FGF7: variants seen among roughly 807,000 people sequenced by gnomAD.
FGF7 encodes FGF-7.
FGF7 carries 6 observed loss-of-function variants against 20.5 expected under a neutral mutation model. The observed-to-expected ratio is 0.29, with a 90% confidence interval of 0.16 to 0.58. FGF7 has a LOEUF of 0.58. Ranked by LOEUF, FGF7 falls within the 20% of genes least tolerant of loss-of-function variation. FGF7 has a pLI of 0.90. For missense variants in FGF7, 144 were observed against 228.8 expected, an observed-to-expected ratio of 0.63 and a Z score of 2.39; for synonymous variants, 64 against 74.7, an observed-to-expected ratio of 0.86 and a Z score of 0.74.
At chr15:49,454,173 A>C (rs1350514546) in intron 2 of FGF7, among the ~76,000 whole-genome samples, 2 of 152,154 alleles carry the variant, frequency 1.3e-5, no homozygotes, top group African/African-American at 4.8e-5. Context: ...TGATTTATTG[A>C]AGGTTATATA....
At chr15:49,472,014 A>G (rs1173280849) in intron 2 of FGF7, among the ~76,000 whole-genome samples, 1 of 23,068 alleles carries the variant, frequency 4.3e-5, no homozygotes, top group Non-Finnish European at 9.0e-5. Context: ...TCATGACTTT[A>G]GAAGTGAAAA....
intron 2 of FGF7, among the ~76,000 whole-genome samples, chr15:49,440,187 A>G (rs1210795503): frequency 1.3e-5 from 2 of 151,748 alleles, no homozygotes; most frequent in African/African-American, 2.4e-5. Flanking sequence ...TTTTAGTTAA[A>G]CCCACTGTGT....
intron 2 of FGF7, among the ~76,000 whole-genome samples, chr15:49,475,145 T>C (rs1229352880): frequency 1.3e-5 from 2 of 152,180 alleles, no homozygotes; most frequent in East Asian, 3.9e-4. Context: ...TGCACTCCGG[T>C]AGTGTATGAT....
chr15:49,462,702 T>C (rs1276576344), intron 2 of FGF7, among the ~76,000 whole-genome samples: 1 of 152,194 alleles, frequency 6.6e-6, no homozygotes, highest in Non-Finnish European at 1.5e-5. Context: ...CTTTCTCTCA[T>C]TCAATTTATT....
intron 2 of FGF7, among the ~76,000 whole-genome samples, chr15:49,451,473 A>C (rs930763068): frequency 1.3e-5 from 2 of 152,078 alleles, no homozygotes; most frequent in African/African-American, 4.8e-5. Flanking sequence ...GCTTAAATCT[A>C]TATGTATATA....
chr15:49,460,103 G>T (rs555035398), intron 2 of FGF7, among the ~76,000 whole-genome samples: 2 of 152,162 alleles, frequency 1.3e-5, no homozygotes, highest in East Asian at 3.9e-4. Context: ...GACAACCTGT[G>T]CAAGGAATGT....
intron 2 of FGF7, among the ~76,000 whole-genome samples, chr15:49,453,813 A>G (rs76986337): frequency 0.023 from 3,546 of 152,170 alleles, 88 homozygotes; most frequent in South Asian, 0.13. Flanking sequence ...CACGTTCCCA[A>G]TTGAATTCAG....
Position 49,486,072 on chromosome 15 carries a change from T to C in FGF7, c.*1568T>C, listed in dbSNP as rs1169648029. ...ATTGGCAGATCTTGGTAGCACTTTA[T>C]ATGTTCACCAATGGGAGGTCAATAT... is the stretch of plus-strand genomic sequence containing the variant. On this transcript the variant is annotated 3_prime_UTR_variant, in exon 4 of 4. Transcript: ENST00000267843. 6.6e-6 allele frequency: 1 copy of C among 152,020 alleles called. No individual in the cohort carries two copies. The highest frequency in any genetic ancestry group is 6.6e-5 in the Admixed American group (1 of 15,238). 9.4% of individuals were successfully genotyped at this position (152,020 alleles called of 1,614,324 possible). A position where few individuals can be genotyped will look rare whatever the true frequency, so the allele number is the denominator to read the frequency against.
Position 49,430,575 on chromosome 15 carries a change from C to T in FGF7, c.286+5992C>T, listed in dbSNP as rs373643624. On this transcript the variant is annotated intron_variant, in intron 2 of 3. Transcript: ENST00000267843. ...ATAAAGAAAAGAAATTTATTCTTCA[C>T]AGTTCTGGAGGCTGGGAAGTCCAAT... Among the ~76,000 whole-genome samples the T allele has an allele frequency of 3.3e-5, 5 of 151,798 alleles. No individual in the cohort carries two copies. In the East Asian group the frequency reaches 7.8e-4, roughly 24 times the overall value.
chr15:49,466,858 A>G (rs2054309788), intron 2 of FGF7, among the ~76,000 whole-genome samples: 1 of 151,988 alleles, frequency 6.6e-6, no homozygotes, highest in African/African-American at 2.4e-5. Flanking sequence ...TTTTCCTTTC[A>G]CTTTCATTTC....
intron 2 of FGF7, among the ~76,000 whole-genome samples, chr15:49,459,016 A>AC (rs1464423674): frequency 6.6e-6 from 1 of 152,212 alleles, no homozygotes; most frequent in Non-Finnish European, 1.5e-5. Flanking sequence ...TCTATTAAAA[A>AC]ACACACAAAA....
chr15:49,430,066 A>C (rs2050459409), intron 2 of FGF7, among the ~76,000 whole-genome samples: 1 of 151,866 alleles, frequency 6.6e-6, no homozygotes, highest in Non-Finnish European at 1.5e-5. Flanking sequence ...TAAATCTCTG[A>C]ATTATGCACC....
intron 2 of FGF7, among the ~76,000 whole-genome samples, chr15:49,470,521 A>G (rs2054644917): frequency 6.6e-6 from 1 of 152,146 alleles, no homozygotes; most frequent in African/African-American, 2.4e-5. Flanking sequence ...ACTCCAACAC[A>G]TTATCACTCC....
rs1254890990 is a variant in FGF7 at position 49,488,364 on chromosome 15, C to T, written c.*3860C>T. 1 of 151,950 alleles carries T rather than the reference C, an allele frequency of 6.6e-6. No homozygotes were observed. Among genetic ancestry groups the T allele is most frequent in the Non-Finnish European group, 1.5e-5 (1 of 67,904 alleles). The allele number at this position is 151,950 out of a possible 1,614,324, so 9.4% of individuals were successfully genotyped here. ...GTTCCTTCAGGGACACATATACTCC[C>T]ACCTATCCTTTAATTTTGAATGGTT... On this transcript the variant is annotated 3_prime_UTR_variant, in exon 4 of 4. Coordinates refer to ENST00000267843, the MANE Select transcript of FGF7 (RefSeq NM_002009.4).
At chr15:49,462,759 T>C (rs2053920954) in intron 2 of FGF7, among the ~76,000 whole-genome samples, 3 of 152,224 alleles carry the variant, frequency 2.0e-5, no homozygotes, top group Non-Finnish European at 4.4e-5. Context: ...TAAGATATGA[T>C]ATATCAGATT....
chr15:49,484,218 A>G (rs1262557156), intron 3 of FGF7, 92 bp from the exon 4 acceptor site: 11 of 881,210 alleles, frequency 1.2e-5, no homozygotes, highest in South Asian at 6.7e-5. Context: ...GTATGTTTCA[A>G]TTCTACCAAA....
At chr15:49,448,964 T>C (rs1163500360) in intron 2 of FGF7, among the ~76,000 whole-genome samples, 1 of 151,958 alleles carries the variant, frequency 6.6e-6, no homozygotes, top group East Asian at 1.9e-4. Flanking sequence ...GCTCTTTTTT[T>C]TGCATATGAA....
chr15:49,479,597 C>CTTTTTTTTTTTTTTTT (rs1567359064), intron 2 of FGF7, among the ~76,000 whole-genome samples: 1 of 102,078 alleles, frequency 9.8e-6, no homozygotes, highest in Admixed American at 1.1e-4. Context: ...GTTAATACCT[C>CTTTTTTTTTTTTTTTT]TGTTTTTTTT....
rs184446591 is a variant in FGF7 at position 49,430,265 on chromosome 15, C to G, written c.286+5682C>G. Among the ~76,000 whole-genome samples, 4 of 152,008 alleles carry G rather than the reference C, an allele frequency of 2.6e-5. No individual in the cohort carries two copies. In the East Asian group the frequency reaches 7.8e-4, roughly 30 times the overall value. On this transcript the variant is annotated intron_variant, in intron 2 of 3. Coordinates refer to ENST00000267843, the MANE Select transcript of FGF7 (RefSeq NM_002009.4). ...CACAGCCTCACAATGACAGGCAGGT[C>G]TGCATCTCTTCTGACACTTTAAAGT...
Sources: gnomAD v4.1 joint callset for allele counts (sites outside exome capture counted in the v4.1 genomes callset) on GRCh38, gnomAD v4.1.1 for gene constraint, MANE v1.5 for transcripts, NCBI Gene and HGNC (gene_info 2026-07-23, HGNC 2026-07-21) for gene names.